Variants in SGCE observed in about 807,000 individuals in gnomAD.
SGCE encodes the protein sarcoglycan epsilon, also known as epsilon-sarcoglycan.
In SGCE, 26 loss-of-function variants were observed where a neutral mutation model predicts 57.8. The ratio of observed to expected loss-of-function variants is 0.45; its 90% CI spans 0.33 to 0.62. SGCE has a LOEUF of 0.62. Ranked by LOEUF, SGCE falls within the 20% of genes least tolerant of loss-of-function variation. The pLI, the probability that SGCE is intolerant of heterozygous loss-of-function variation, is 0.02. For synonymous variants in SGCE, 183 were observed against 189.5 expected (o/e 0.97, Z 0.28); for missense variants, 468 against 548.6 (o/e 0.85, Z 1.47).
Position 94,628,194 on chromosome 7 carries a change from T to G in SGCE, c.390+8A>C. On this transcript the variant is annotated splice_region_variant and intron_variant, in intron 3 of 10. Coordinates refer to ENST00000648936, the MANE Select transcript of SGCE (RefSeq NM_003919.3). ...TGTATAGTTTTGCTCTTTCTAGGTGTAAATTACCTCAATGATTGTTGGCTT... is the reference window on the plus strand; with the variant it reads ...TGTATAGTTTTGCTCTTTCTAGGTGGAAATTACCTCAATGATTGTTGGCTT... 1 of 1,607,708 alleles carries G rather than the reference T, an allele frequency of 6.2e-7. No homozygotes were observed. The highest frequency in any genetic ancestry group is 8.5e-7 in the Non-Finnish European group (1 of 1,175,630).
intron 4 of SGCE, chr7:94,619,182 C>G: frequency 2.0e-6 from 1 of 488,576 alleles, no homozygotes. Flanking sequence ...CAAGGCTCAT[C>G]AGAGGCTCAT....
At chr7:94,638,001 G>A (rs1015368712) in intron 1 of SGCE, among the ~76,000 whole-genome samples, 5 of 152,140 alleles carry the variant, frequency 3.3e-5, no homozygotes, top group South Asian at 4.1e-4. Flanking sequence ...CAAAGAAGCC[G>A]ATGGCCCTCA....
intron 6 of SGCE, among the ~76,000 whole-genome samples, chr7:94,603,014 A>G (rs1404568879): frequency 6.6e-6 from 1 of 152,190 alleles, no homozygotes; most frequent in East Asian, 1.9e-4. Flanking sequence ...GCTCATTAGC[A>G]GCTATATGGA....
chr7:94,593,349 A>G (rs1242119113), intron 9 of SGCE, among the ~76,000 whole-genome samples: 1 of 151,978 alleles, frequency 6.6e-6, no homozygotes, highest in African/African-American at 2.4e-5. Flanking sequence ...GTGGAGTACT[A>G]TTCCCCAATT....
Position 94,623,409 on chromosome 7 carries a change from G to A in SGCE, c.391-12C>T, listed in dbSNP as rs750626148. 6.4e-6 allele frequency: 10 copies of A among 1,550,470 alleles called. No individual in the cohort carries two copies. In the South Asian group the frequency reaches 1.1e-4, roughly 18 times the overall value. ...TTGTAGGCAGTTATCTATTATAAAA[G>A]GAAAACCATATTAAAGAAGTGAAAT... On this transcript the variant is annotated splice_polypyrimidine_tract_variant and intron_variant, in intron 3 of 10. Coordinates refer to ENST00000648936, the MANE Select transcript of SGCE (RefSeq NM_003919.3).
At chr7:94,604,849 ATATATATAT>A (rs1188122460) in intron 5 of SGCE, among the ~76,000 whole-genome samples, 12 of 88,324 alleles carry the variant, frequency 1.4e-4, no homozygotes, top group South Asian at 8.6e-4. Flanking sequence ...ATATATATAT[ATATATATAT>A]AATAGTTGTT....
chr7:94,610,036 A>G (rs1800760715), intron 5 of SGCE, among the ~76,000 whole-genome samples: 1 of 152,228 alleles, frequency 6.6e-6, no homozygotes, highest in Non-Finnish European at 1.5e-5. Flanking sequence ...AAAATGGAAT[A>G]AGCTATCGAG....
At chr7:94,601,002 A>C in intron 6 of SGCE, 145 bp from the exon 7 acceptor site, 1 of 715,146 alleles carries the variant, frequency 1.4e-6, no homozygotes, top group South Asian at 1.7e-5. Flanking sequence ...TGAATTTGCA[A>C]GTATTTATTG....
At chr7:94,649,147 T>C (rs1326507254) in intron 1 of SGCE, among the ~76,000 whole-genome samples, 3 of 152,204 alleles carry the variant, frequency 2.0e-5, no homozygotes, top group Non-Finnish European at 4.4e-5. Context: ...CTAAGACAAT[T>C]AGATACAAAG....
chr7:94,643,967 T>A (rs916843996), intron 1 of SGCE, among the ~76,000 whole-genome samples: 1 of 152,178 alleles, frequency 6.6e-6, no homozygotes, highest in Non-Finnish European at 1.5e-5. Context: ...TAGAGACTGG[T>A]TCTTGGACAT....
At position 94,630,360 on chromosome 7, in the gene SGCE, G is replaced by C. The variant is rs115555045; in HGVS notation, c.110-519C>G. Among the ~76,000 whole-genome samples, 673 of 151,600 alleles carry C rather than the reference G, an allele frequency of 4.4e-3. 4 individuals are homozygous for C. Among genetic ancestry groups the C allele is most frequent in the African/African-American group, 0.015 (635 of 41,410 alleles). On this transcript the variant is annotated intron_variant, in intron 1 of 10. Transcript: ENST00000648936. ...TCAATACATGTAATGCGGTTTTTAC[G>C]TATACTTATAAAAATGCATTGGATA...
intron 1 of SGCE, among the ~76,000 whole-genome samples, 170 bp downstream of exon 1, chr7:94,655,820 C>T (rs1808567941): frequency 6.7e-6 from 1 of 149,656 alleles, no homozygotes; most frequent in Non-Finnish European, 1.5e-5. Context: ...AGAAGCTGGG[C>T]CGGGGAAATG....
intron 10 of SGCE, chr7:94,588,062 A>G (rs953609465): frequency 6.0e-6 from 8 of 1,340,110 alleles, no homozygotes; most frequent in Non-Finnish European, 5.7e-6. Flanking sequence ...TTAGAAGACA[A>G]TCATGAATAA....
chr7:94,601,321 G>C (rs142983054), intron 6 of SGCE, among the ~76,000 whole-genome samples: 1 of 151,362 alleles, frequency 6.6e-6, no homozygotes, highest in Non-Finnish European at 1.5e-5. Context: ...AAAAAAGAGG[G>C]ACAATTTCCA....
intron 5 of SGCE, 73 bp downstream of exon 5, chr7:94,618,685 T>C (rs1359717704): frequency 7.9e-7 from 1 of 1,273,542 alleles, no homozygotes; most frequent in East Asian, 2.3e-5. Context: ...CCATCTTCCA[T>C]CTATAATAAG....
chr7:94,638,060 C>T (rs972648067), intron 1 of SGCE, among the ~76,000 whole-genome samples: 1 of 152,142 alleles, frequency 6.6e-6, no homozygotes, highest in Admixed American at 6.5e-5. Context: ...GGGTGATTCC[C>T]TTGAAGGAAC....
At chr7:94,586,073 A>C (rs1463499642) in intron 10 of SGCE, among the ~76,000 whole-genome samples, 7 of 149,988 alleles carry the variant, frequency 4.7e-5, no homozygotes, top group East Asian at 1.9e-4. Flanking sequence ...AAAAAAAAAA[A>C]AAAAAAAAAA....
chr7:94,622,573 T>A (rs1463733112), intron 4 of SGCE: 2 of 149,144 alleles, frequency 1.3e-5, no homozygotes, highest in Non-Finnish European at 3.0e-5. Flanking sequence ...AGGTTGCAGT[T>A]AGCCGAGATG....
intron 10 of SGCE, chr7:94,587,850 C>T (rs1465926959): frequency 6.5e-7 from 1 of 1,527,124 alleles, no homozygotes; most frequent in South Asian, 1.3e-5. Flanking sequence ...AAGATAATTT[C>T]TGAATGAAAA....
Sources: gnomAD v4.1 joint callset for allele counts (sites outside exome capture counted in the v4.1 genomes callset) on GRCh38, gnomAD v4.1.1 for gene constraint, MANE v1.5 for transcripts, NCBI Gene and HGNC (gene_info 2026-07-23, HGNC 2026-07-21) for gene names.